FHIT: variants seen among roughly 807,000 people sequenced by gnomAD.
FHIT encodes bis(5'-adenosyl)-triphosphatase.
FHIT carries 19 observed loss-of-function variants against 17.9 expected under a neutral mutation model. That is an observed-to-expected ratio of 1.06 (90% CI 0.74 to 1.56). The LOEUF (loss-of-function observed/expected upper bound fraction) is 1.56. Among genes scored for constraint, FHIT ranks in the 40% most tolerant of loss-of-function variants. FHIT has a pLI of 0.00. For missense variants in FHIT, 248 were observed against 189.2 expected, an observed-to-expected ratio of 1.31 and a Z score of -1.82; for synonymous variants, 81 against 69.7, an observed-to-expected ratio of 1.16 and a Z score of -0.81.
chr3:60,532,339 A>T (rs947597627), intron 5 of FHIT, among the ~76,000 whole-genome samples: 7 of 152,236 alleles, frequency 4.6e-5, no homozygotes, highest in African/African-American at 1.4e-4. Flanking sequence ...CCAGTCTTCA[A>T]ATGGATACCA....
At chr3:60,559,961 G>T (rs1425712530) in intron 4 of FHIT, among the ~76,000 whole-genome samples, 1 of 152,124 alleles carries the variant, frequency 6.6e-6, no homozygotes, top group South Asian at 2.1e-4. Context: ...AGGCTGTTGG[G>T]GAAAGGCCAG....
chr3:60,347,917 C>T (rs1448681552), intron 5 of FHIT, among the ~76,000 whole-genome samples: 3 of 152,034 alleles, frequency 2.0e-5, no homozygotes, highest in Non-Finnish European at 4.4e-5. Context: ...CACCACCATG[C>T]CCGGCTAATT....
intron 5 of FHIT, among the ~76,000 whole-genome samples, chr3:60,151,218 C>T (rs1700447973): frequency 1.3e-5 from 2 of 151,896 alleles, no homozygotes; most frequent in Admixed American, 6.6e-5. Context: ...CCTATCTTAC[C>T]CAAAAAAATA....
chr3:61,168,529 C>T (rs1009295307), intron 2 of FHIT, among the ~76,000 whole-genome samples: 3 of 152,296 alleles, frequency 2.0e-5, no homozygotes. Flanking sequence ...GAGGAAGACC[C>T]AAGTCAACCT....
chr3:59,912,176 T>C (rs557729942), intron 8 of FHIT, among the ~76,000 whole-genome samples: 1 of 152,326 alleles, frequency 6.6e-6, no homozygotes, highest in African/African-American at 2.4e-5. Context: ...CATTATCATA[T>C]CACAGTCTCC....
chr3:59,755,653 G>C (rs1701176929), intron 8 of FHIT, among the ~76,000 whole-genome samples: 1 of 152,158 alleles, frequency 6.6e-6, no homozygotes, highest in Admixed American at 6.5e-5. Flanking sequence ...GCCAGACCTA[G>C]CACTGGAACA....
chr3:60,362,260 A>G (rs1292695263), intron 5 of FHIT, among the ~76,000 whole-genome samples: 1 of 152,186 alleles, frequency 6.6e-6, no homozygotes, highest in Non-Finnish European at 1.5e-5. Flanking sequence ...ATACAATTTT[A>G]TTAACTCCAG....
At chr3:60,731,329 G>C (rs2042025231) in intron 4 of FHIT, among the ~76,000 whole-genome samples, 1 of 152,156 alleles carries the variant, frequency 6.6e-6, no homozygotes, top group South Asian at 2.1e-4. Context: ...ACCAAAGCAA[G>C]TTTTAGAGCA....
intron 2 of FHIT, among the ~76,000 whole-genome samples, chr3:61,101,393 G>GAATA (rs2035821468): frequency 6.6e-6 from 1 of 152,064 alleles, no homozygotes; most frequent in Non-Finnish European, 1.5e-5. Flanking sequence ...TTATTTCTGG[G>GAATA]GCTCTGTTCT....
At chr3:60,158,952 C>T (rs1174897328) in intron 5 of FHIT, among the ~76,000 whole-genome samples, 1 of 152,062 alleles carries the variant, frequency 6.6e-6, no homozygotes, top group Non-Finnish European at 1.5e-5. Context: ...AGCAAAGAAC[C>T]CAACTTCACC....
chr3:59,952,900 T>C (rs1242245936), intron 7 of FHIT, among the ~76,000 whole-genome samples: 1 of 152,058 alleles, frequency 6.6e-6, no homozygotes, highest in African/African-American at 2.4e-5. Context: ...AAGAGGAGAC[T>C]AGCCACTCTG....
chr3:60,864,981 C>T (rs1327291309), intron 3 of FHIT, among the ~76,000 whole-genome samples: 1 of 152,024 alleles, frequency 6.6e-6, no homozygotes, highest in African/African-American at 2.4e-5. Context: ...AGAGACACTG[C>T]TCAGCTTCTG....
chr3:60,278,194 T>C (rs1318770800), intron 5 of FHIT, among the ~76,000 whole-genome samples: 2 of 152,132 alleles, frequency 1.3e-5, no homozygotes, highest in East Asian at 1.9e-4. Flanking sequence ...TTTTCTGAGT[T>C]TTATGTCCAA....
intron 3 of FHIT, among the ~76,000 whole-genome samples, chr3:61,028,471 A>AGG (rs1233114382): frequency 2.0e-5 from 3 of 152,198 alleles, no homozygotes; most frequent in African/African-American, 7.2e-5. Flanking sequence ...CTGCCTCAAA[A>AGG]GAAGCAAGGG....
At chr3:60,535,804 T>C (rs1576831839) in intron 5 of FHIT, 1 of 121,652 alleles carries the variant, frequency 8.2e-6, no homozygotes, top group Admixed American at 8.9e-5. Context: ...GTTTTTCTTA[T>C]TTGTATTTTT....
chr3:59,756,482 G>GCAAA (rs931020491), intron 8 of FHIT, among the ~76,000 whole-genome samples: 3 of 136,962 alleles, frequency 2.2e-5, no homozygotes, highest in African/African-American at 9.3e-5. Context: ...GCCAGATTTA[G>GCAAA]CAAACAAAAA....
chr3:59,932,550 G>T (rs74758007), intron 7 of FHIT, among the ~76,000 whole-genome samples: 2,533 of 152,178 alleles, frequency 0.017, 74 homozygotes, highest in African/African-American at 0.057. Context: ...TTTAACGATG[G>T]GTTTATAAGA....
At chr3:60,068,282 C>T (rs1702608694) in intron 5 of FHIT, among the ~76,000 whole-genome samples, 1 of 151,954 alleles carries the variant, frequency 6.6e-6, no homozygotes, top group Non-Finnish European at 1.5e-5. Context: ...TTGGCAGGTC[C>T]CAATGTCTAT....
chr3:59,913,535 T>C (rs771133127), intron 8 of FHIT, among the ~76,000 whole-genome samples: 1 of 152,186 alleles, frequency 6.6e-6, no homozygotes, highest in Non-Finnish European at 1.5e-5. Context: ...TCCAGCCCAA[T>C]GTGTATTCTC....
Sources: gnomAD v4.1 joint callset for allele counts (sites outside exome capture counted in the v4.1 genomes callset) on GRCh38, gnomAD v4.1.1 for gene constraint, MANE v1.5 for transcripts, NCBI Gene and HGNC (gene_info 2026-07-23, HGNC 2026-07-21) for gene names.